The following TDRD5 variants were observed in gnomAD, a reference collection of about 807,000 sequenced individuals.
The protein encoded by TDRD5 is tudor domain containing 5, also known as tudor domain-containing protein 5.
In TDRD5, 41 loss-of-function variants were observed where a neutral mutation model predicts 120.6. The observed-to-expected ratio is 0.34, with a 90% confidence interval of 0.26 to 0.44. The LOEUF (loss-of-function observed/expected upper bound fraction) is 0.44. Ranked by LOEUF, TDRD5 falls within the 20% of genes least tolerant of loss-of-function variation. TDRD5 has a pLI of 1.00. For synonymous variants in TDRD5, 430 were observed against 433.7 expected, an observed-to-expected ratio of 0.99 and a Z score of 0.11; for missense variants, 1,006 against 1,221.2, an observed-to-expected ratio of 0.82 and a Z score of 2.63.
At chr1:179,622,687 C>A (rs1676902995) in intron 6 of TDRD5, among the ~76,000 whole-genome samples, 1 of 151,958 alleles carries the variant, frequency 6.6e-6, no homozygotes, top group South Asian at 2.1e-4. Context: ...TAGTAAACTT[C>A]AAGACAGATC....
At chr1:179,662,965 C>T (rs2147762585) in intron 15 of TDRD5, among the ~76,000 whole-genome samples, 1 of 152,220 alleles carries the variant, frequency 6.6e-6, no homozygotes, top group South Asian at 2.1e-4. Context: ...AGCATATTTG[C>T]TAATATTAGG....
At chr1:179,624,885 T>A (rs960434434) in intron 6 of TDRD5, among the ~76,000 whole-genome samples, 1 of 152,102 alleles carries the variant, frequency 6.6e-6, no homozygotes, top group Non-Finnish European at 1.5e-5. Flanking sequence ...AACAAATCCA[T>A]GAATTTGGCC....
Position 179,675,270 on chromosome 1 carries a change from A to ATTTTTT in TDRD5, c.2860+5868_2860+5869insTTTTTT, listed in dbSNP as rs879312785. On this transcript the variant is annotated intron_variant, in intron 17 of 17. Transcript: ENST00000444136. ...TCAAAGAATTTTTATTATTATTATT[A>ATTTTTT]TTATTTTTTTTTTTTTTTTTTTTTT... Among the ~76,000 whole-genome samples the ATTTTTT allele has an allele frequency of 6.3e-3, 371 of 59,124 alleles. 12 individuals are homozygous for ATTTTTT. Among genetic ancestry groups the ATTTTTT allele is most frequent in the Non-Finnish European group, 9.0e-3 (257 of 28,678 alleles). 38.8% of individuals were successfully genotyped at this position (59,124 alleles called of 152,430 possible). A position where few individuals can be genotyped will look rare whatever the true frequency, so the allele number is the denominator to read the frequency against.
intron 17 of TDRD5, among the ~76,000 whole-genome samples, 158 bp from the exon 18 acceptor site, chr1:179,690,538 G>A (rs1441857460): frequency 6.6e-6 from 1 of 151,882 alleles, no homozygotes. Flanking sequence ...TTGTTGACTG[G>A]TTTCTAAGTC....
Position 179,687,871 on chromosome 1 carries a change from C to CTTT in TDRD5, c.2861-2813_2861-2811dup, listed in dbSNP as rs139709484. Among the ~76,000 whole-genome samples, 12 of 140,142 alleles carry CTTT rather than the reference C, an allele frequency of 8.6e-5. No homozygotes were observed. In the East Asian group the frequency reaches 1.0e-3, roughly 12 times the overall value. The allele number at this position is 140,142 out of a possible 152,430, so 91.9% of individuals were successfully genotyped here. A position where few individuals can be genotyped will look rare whatever the true frequency, so the allele number is the denominator to read the frequency against. On this transcript the variant is annotated intron_variant, in intron 17 of 17. Coordinates refer to ENST00000444136, the MANE Select transcript of TDRD5 (RefSeq NM_001199085.3). ...TCAGAGACTAGGATTGCAACCCCTG[C>CTTT]TTTTTTTTTTTTTTCCATTTGCTTG...
At chr1:179,684,702 A>G (rs181172921) in intron 17 of TDRD5, among the ~76,000 whole-genome samples, 62 of 152,286 alleles carry the variant, frequency 4.1e-4, no homozygotes, top group Admixed American at 1.2e-3. Context: ...AATCCTCTCC[A>G]GCAGCTGCTG....
intron 17 of TDRD5, among the ~76,000 whole-genome samples, chr1:179,670,118 ACG>A (rs1679778732): frequency 6.6e-6 from 1 of 152,172 alleles, no homozygotes; most frequent in African/African-American, 2.4e-5. Context: ...GAGGCTGGGC[ACG>A]ATGGCTCACG....
intron 17 of TDRD5, among the ~76,000 whole-genome samples, chr1:179,671,594 A>C (rs1479614251): frequency 1.5e-5 from 2 of 131,138 alleles, no homozygotes; most frequent in Non-Finnish European, 3.4e-5. Context: ...TTAAAATTTA[A>C]AAAATTTACT....
rs72706765 is a variant in TDRD5 at position 179,661,944 on chromosome 1, C to G, written c.2323-160C>G. On this transcript the variant is annotated intron_variant, in intron 14 of 17. Transcript: ENST00000444136. ...ACTATAAAGATTATATCCTAAATCT[C>G]TTTATTATTTTGGTGGCATTTCAGA... 9.6e-3 allele frequency among the ~76,000 whole-genome samples: 1,466 copies of G among 152,192 alleles called. 5 individuals carry two copies. Among genetic ancestry groups the G allele is most frequent in the Middle Eastern group, 0.037 (11 of 294 alleles).
chr1:179,685,261 T>A (rs545969087), intron 17 of TDRD5, among the ~76,000 whole-genome samples: 1 of 152,378 alleles, frequency 6.6e-6, no homozygotes, highest in Admixed American at 6.5e-5. Flanking sequence ...TTTCTACATA[T>A]GGCTAGCCAG....
chr1:179,604,743 T>A (rs1270097837), intron 4 of TDRD5, among the ~76,000 whole-genome samples: 2 of 152,160 alleles, frequency 1.3e-5, no homozygotes, highest in Admixed American at 1.3e-4. Flanking sequence ...AAAAAGTGCT[T>A]GATATAATTT....
At chr1:179,599,611 T>C (rs1006171325) in intron 4 of TDRD5, among the ~76,000 whole-genome samples, 8 of 152,114 alleles carry the variant, frequency 5.3e-5, no homozygotes, top group African/African-American at 1.9e-4. Context: ...GTCAAATTTA[T>C]TGAAATAAAG....
intron 14 of TDRD5, among the ~76,000 whole-genome samples, chr1:179,654,764 T>C (rs1341498561): frequency 1.3e-5 from 2 of 152,070 alleles, no homozygotes; most frequent in East Asian, 3.9e-4. Flanking sequence ...TGAGACTCTG[T>C]CTCAAAAAAA....
In TDRD5 at chr1:179,618,587, CT is replaced by C; in HGVS notation, c.832-6del. 2 of 1,545,062 alleles carry C rather than the reference CT, an allele frequency of 1.3e-6. No homozygotes were observed. Among genetic ancestry groups the C allele is most frequent in the Non-Finnish European group, 1.7e-6 (2 of 1,151,470 alleles). On this transcript the variant is annotated splice_polypyrimidine_tract_variant and intron_variant, in intron 4 of 17. Transcript: ENST00000444136. ...GGGACTGTGACTTGACTTTTTTTTT[CT>C]TTTTTCATAGCTGGAGAACACATTC...
intron 6 of TDRD5, among the ~76,000 whole-genome samples, chr1:179,621,735 A>G (rs529447592): frequency 1.3e-5 from 2 of 152,220 alleles, no homozygotes; most frequent in Admixed American, 6.5e-5. Context: ...AGATAATGCC[A>G]TATATCCAGT....
intron 5 of TDRD5, among the ~76,000 whole-genome samples, chr1:179,620,139 A>G (rs943640733): frequency 6.6e-6 from 1 of 152,198 alleles, no homozygotes; most frequent in Non-Finnish European, 1.5e-5. Context: ...AAAACCATGA[A>G]TAACATGTGC....
chr1:179,646,790 A>G (rs1024717403), intron 11 of TDRD5, among the ~76,000 whole-genome samples: 23 of 152,130 alleles, frequency 1.5e-4, no homozygotes, highest in African/African-American at 5.1e-4. Context: ...AAAAATCACA[A>G]GCATTCTTAT....
intron 9 of TDRD5, among the ~76,000 whole-genome samples, chr1:179,636,744 T>A (rs1677782822): frequency 6.6e-6 from 1 of 152,248 alleles, no homozygotes; most frequent in African/African-American, 2.4e-5. Flanking sequence ...ATTGGGAAGC[T>A]GTCAAGCTCA....
chr1:179,650,072 C>G (rs1678624853), intron 11 of TDRD5, among the ~76,000 whole-genome samples: 1 of 152,138 alleles, frequency 6.6e-6, no homozygotes, highest in African/African-American at 2.4e-5. Context: ...TGTAAACTCT[C>G]CACCATGGGT....
Sources: gnomAD v4.1 joint callset for allele counts (sites outside exome capture counted in the v4.1 genomes callset) on GRCh38, gnomAD v4.1.1 for gene constraint, MANE v1.5 for transcripts, NCBI Gene and HGNC (gene_info 2026-07-23, HGNC 2026-07-21) for gene names.